The following CAMTA1 variants were observed in gnomAD, a reference collection of about 807,000 sequenced individuals.
The protein encoded by CAMTA1 is calmodulin binding transcription activator 1, also known as calmodulin-binding transcription activator 1.
Under a neutral mutation model 170.9 loss-of-function variants are expected in CAMTA1, and 27 were observed. The ratio of observed to expected loss-of-function variants is 0.16; its 90% confidence interval spans 0.12 to 0.22. CAMTA1 has a LOEUF of 0.22. CAMTA1 is among the 10% of genes least tolerant of loss of function. The pLI, the probability that CAMTA1 is intolerant of heterozygous loss-of-function variation, is 1.00. For synonymous variants in CAMTA1, 833 were observed against 891.5 expected (o/e 0.93, Z 1.17); for missense variants, 1,619 against 2,217.2 (o/e 0.73, Z 5.42).
chr1:6,923,985 C>T (rs1036715087), intron 3 of CAMTA1, among the ~76,000 whole-genome samples: 4 of 152,204 alleles, frequency 2.6e-5, no homozygotes, highest in Admixed American at 6.5e-5. Context: ...GACCATTAGG[C>T]TGGTCTGTGA....
rs546380669 is a variant in CAMTA1 at position 7,148,075 on chromosome 1, A to G, written c.302+56704A>G. Among the ~76,000 whole-genome samples the G allele has an allele frequency of 5.3e-5, 8 of 151,852 alleles. 1 individual carries two copies. In the South Asian group the frequency reaches 1.7e-3, roughly 32 times the overall value. On this transcript the variant is annotated intron_variant, in intron 4 of 22. Coordinates refer to ENST00000303635, the MANE Select transcript of CAMTA1 (RefSeq NM_015215.4). Reference sequence around the variant, plus strand: ...CACGTATGCACACAAACACACACTCATACACCATGCACACACTCAAACATA... The same window carrying G: ...CACGTATGCACACAAACACACACTCGTACACCATGCACACACTCAAACATA...
chr1:7,004,302 A>T (rs1359366375), intron 3 of CAMTA1, among the ~76,000 whole-genome samples: 1 of 152,038 alleles, frequency 6.6e-6, no homozygotes, highest in South Asian at 2.1e-4. Context: ...AATTGCATTT[A>T]GACTTTTGCA....
At chr1:7,083,528 C>A (rs1238882937) in intron 3 of CAMTA1, among the ~76,000 whole-genome samples, 1 of 152,080 alleles carries the variant, frequency 6.6e-6, no homozygotes, top group Non-Finnish European at 1.5e-5. Flanking sequence ...CAGGAATGTT[C>A]AGACGGGAGC....
intron 3 of CAMTA1, among the ~76,000 whole-genome samples, chr1:7,012,547 A>G (rs1699951479): frequency 6.6e-6 from 1 of 151,454 alleles, no homozygotes; most frequent in Admixed American, 6.6e-5. Flanking sequence ...TCTCTTTCTC[A>G]TTTGCAGGCA....
rs112268253 is a variant in CAMTA1 at position 7,231,350 on chromosome 1, T to TGTGTGTGTGTGTGTGTGTGA, written c.303-18140_303-18139insTGTGTGTGTGTGTGTGTGAG. On this transcript the variant is annotated intron_variant, in intron 4 of 22. Coordinates refer to ENST00000303635, the MANE Select transcript of CAMTA1 (RefSeq NM_015215.4). The stretch of plus-strand genomic sequence containing the variant: ...TAATGTGTGTGTGTGTGTGTGTGTG[T>TGTGTGTGTGTGTGTGTGTGA]GAGAGAGAGAGAGAGAGAGAGAGGT... 2.1e-5 allele frequency among the ~76,000 whole-genome samples: 3 copies of TGTGTGTGTGTGTGTGTGTGA among 141,192 alleles called. No homozygotes were observed. The South Asian group carries it at 7.3e-4, about 34-fold the overall frequency. The allele number at this position is 141,192 out of a possible 152,430, so 92.6% of individuals were successfully genotyped here.
At position 7,695,569 on chromosome 1, in the gene CAMTA1, T is replaced by C. The variant is rs186848986; in HGVS notation, c.2914+17836T>C. Among the ~76,000 whole-genome samples the C allele has an allele frequency of 9.7e-4, 147 of 152,254 alleles. 2 individuals are homozygous for C. Among genetic ancestry groups the C allele is most frequent in the Admixed American group, 8.5e-3 (130 of 15,284 alleles). ...GATCCATGGTATTTCACTTTGGACA[T>C]AGGTGCTTCTTAGGCCCTGGGGGGC... On this transcript the variant is annotated intron_variant, in intron 11 of 22. Coordinates refer to ENST00000303635, the MANE Select transcript of CAMTA1 (RefSeq NM_015215.4).
rs1265524806 is a variant in CAMTA1 at position 7,412,029 on chromosome 1, A to G, written c.439-55801A>G. On this transcript the variant is annotated intron_variant, in intron 5 of 22. Coordinates refer to ENST00000303635, the MANE Select transcript of CAMTA1 (RefSeq NM_015215.4). ...CGGTGTTTGGTTTTTTGTCCTTGCCATAGTTTGCTGAGAATGATGATTTCC... is the reference window on the plus strand; with the variant it reads ...CGGTGTTTGGTTTTTTGTCCTTGCCGTAGTTTGCTGAGAATGATGATTTCC... Among the ~76,000 whole-genome samples the G allele has an allele frequency of 2.0e-5, 3 of 150,928 alleles. No homozygotes were observed. The South Asian group carries it at 6.3e-4, about 31-fold the overall frequency.
intron 6 of CAMTA1, among the ~76,000 whole-genome samples, chr1:7,594,715 T>C (rs2095385694): frequency 6.6e-6 from 1 of 152,106 alleles, no homozygotes; most frequent in Non-Finnish European, 1.5e-5. Context: ...AATATGCTGA[T>C]GGTTTGGATG....
At chr1:7,284,126 G>GTTCTTCTTCTTCTTC (rs202166286) in intron 5 of CAMTA1, among the ~76,000 whole-genome samples, 199 of 106,970 alleles carry the variant, frequency 1.9e-3, no homozygotes, top group East Asian at 8.0e-3. Flanking sequence ...ATTTGCTGCT[G>GTTCTTCTTCTTCTTC]TTCTTCTTCT....
chr1:7,357,131 G>A (rs1489420488), intron 5 of CAMTA1, among the ~76,000 whole-genome samples: 2 of 152,230 alleles, frequency 1.3e-5, no homozygotes, highest in African/African-American at 4.8e-5. Context: ...TCGGCTCAGG[G>A]AATTTCAGGA....
intron 5 of CAMTA1, among the ~76,000 whole-genome samples, chr1:7,406,338 A>G (rs923825276): frequency 6.6e-6 from 1 of 152,200 alleles, no homozygotes; most frequent in Admixed American, 6.5e-5. Flanking sequence ...CACAGTTGGC[A>G]CCACAGCTAA....
At chr1:7,164,059 A>G (rs1227018704) in intron 4 of CAMTA1, among the ~76,000 whole-genome samples, 1 of 152,230 alleles carries the variant, frequency 6.6e-6, no homozygotes, top group Non-Finnish European at 1.5e-5. Context: ...AGATGCCATC[A>G]CAATGCCAGG....
intron 5 of CAMTA1, among the ~76,000 whole-genome samples, chr1:7,430,680 GCCGGGACATAGAATAACCTGCCCCTT>G (rs1383411965): frequency 6.6e-6 from 1 of 152,178 alleles, no homozygotes; most frequent in Non-Finnish European, 1.5e-5. Context: ...CCTGACCAGG[GCCGGGACATAGAATAACCTGCCCCTT>G]CCCTCTCATT....
At chr1:7,763,123 C>G (rs2096988155) in intron 22 of CAMTA1, among the ~76,000 whole-genome samples, 1 of 152,136 alleles carries the variant, frequency 6.6e-6, no homozygotes, top group South Asian at 2.1e-4. Context: ...TGCTTAATTC[C>G]TATAAATCTC....
At position 7,581,202 on chromosome 1, in the gene CAMTA1, C is replaced by T. The variant is rs958068461; in HGVS notation, c.511-59198C>T. ...TTTCCCTGGCACCAACCAGCTGCAG[C>T]CCCAAGATAGGAAGTTTGGTTGTCA... On this transcript the variant is annotated intron_variant, in intron 6 of 22. Coordinates refer to ENST00000303635, the MANE Select transcript of CAMTA1 (RefSeq NM_015215.4). 5.3e-5 allele frequency among the ~76,000 whole-genome samples: 8 copies of T among 152,318 alleles called. 1 individual carries two copies. The South Asian group carries it at 1.7e-3, about 32-fold the overall frequency.
chr1:7,059,155 A>G (rs906051371), intron 3 of CAMTA1, among the ~76,000 whole-genome samples: 1 of 152,074 alleles, frequency 6.6e-6, no homozygotes, highest in East Asian at 1.9e-4. Flanking sequence ...TGCTCCTCTC[A>G]TTCCCAGATG....
At chr1:7,053,281 C>A (rs1225884180) in intron 3 of CAMTA1, among the ~76,000 whole-genome samples, 1 of 152,188 alleles carries the variant, frequency 6.6e-6, no homozygotes, top group Non-Finnish European at 1.5e-5. Flanking sequence ...TCGCGACTCA[C>A]TTCCCTCCAG....
chr1:7,677,999 C>T (rs1405740728), intron 11 of CAMTA1, among the ~76,000 whole-genome samples: 1 of 152,246 alleles, frequency 6.6e-6, no homozygotes, highest in Non-Finnish European at 1.5e-5. Context: ...GGGCCTGTGG[C>T]TGGCACGCCT....
intron 4 of CAMTA1, among the ~76,000 whole-genome samples, chr1:7,137,725 C>T (rs955353248): frequency 1.3e-5 from 2 of 152,142 alleles, no homozygotes; most frequent in African/African-American, 4.8e-5. Flanking sequence ...TCCTGAGGCT[C>T]CCTCCCTCGT....
Sources: gnomAD v4.1 joint callset for allele counts (sites outside exome capture counted in the v4.1 genomes callset) on GRCh38, gnomAD v4.1.1 for gene constraint, MANE v1.5 for transcripts, NCBI Gene and HGNC (gene_info 2026-07-23, HGNC 2026-07-21) for gene names.